The following GNG4 variants were observed in gnomAD, a reference collection of about 807,000 sequenced individuals.
The protein encoded by GNG4 is G protein subunit gamma 4.
A neutral mutation model predicts 5.8 loss-of-function variants in GNG4; 4 were observed. That is an observed-to-expected ratio of 0.69 (90% confidence interval 0.34 to 1.57). GNG4 has a LOEUF of 1.57. Among genes scored for constraint, GNG4 ranks in the 40% most tolerant of loss-of-function variants. The pLI, the probability that GNG4 is intolerant of heterozygous loss-of-function variation, is 0.06. For synonymous variants in GNG4, 29 were observed against 32.9 expected (o/e 0.88, Z 0.41); for missense variants, 96 against 95.1 (o/e 1.01, Z -0.04).
At chr1:235,634,714 G>A (rs564506485) in intron 1 of GNG4, among the ~76,000 whole-genome samples, 1 of 152,270 alleles carries the variant, frequency 6.6e-6, no homozygotes, top group South Asian at 2.1e-4. Context: ...AGGCTGAGGC[G>A]GGTGGATCAC....
rs559547055 is a variant in GNG4 at position 235,649,710 on chromosome 1, G to C, written c.-171C>G. 1.3e-5 allele frequency: 2 copies of C among 151,924 alleles called. No homozygotes were observed. Among genetic ancestry groups the C allele is most frequent in the African/African-American group, 4.8e-5 (2 of 41,524 alleles). 9.4% of individuals were successfully genotyped at this position (151,924 alleles called of 1,614,324 possible). ...TTCGTCTGCAGCGCGGTGCTCGCGG[G>C]GGGCGGCCAGGCCGAGCGGCATCGC... On this transcript the variant is annotated 5_prime_UTR_variant, in exon 1 of 4. Transcript: ENST00000391854. The surrounding 1 kb of genome is among the most constrained non-coding windows in gnomAD (Gnocchi z 5.7).
Position 235,642,741 on chromosome 1 carries a change from G to A in GNG4, c.-123+6921C>T, listed in dbSNP as rs926615953. Among the ~76,000 whole-genome samples the A allele has an allele frequency of 6.6e-6, 1 of 152,046 alleles. No individual in the cohort carries two copies. The highest frequency in any genetic ancestry group is 2.4e-5 in the African/African-American group (1 of 41,384). On this transcript the variant is annotated intron_variant, in intron 1 of 3. Transcript: ENST00000391854. This position sits in a 1 kb window ranked among gnomAD's most constrained non-coding sequence, Gnocchi z 4.3. ...CTAAACTTGCCGTGTGTTCTTGGAG[G>A]CGCGGGCCTCCCTGCTGTCATCACA...
chr1:235,570,756 C>T (rs550661988), intron 3 of GNG4, among the ~76,000 whole-genome samples: 4 of 151,810 alleles, frequency 2.6e-5, no homozygotes, highest in Admixed American at 6.6e-5. Context: ...AGTGCAGCGC[C>T]GCAATCTCGG....
At chr1:235,561,383 T>C (rs1375342720) in intron 3 of GNG4, among the ~76,000 whole-genome samples, 3 of 152,082 alleles carry the variant, frequency 2.0e-5, no homozygotes, top group Non-Finnish European at 4.4e-5. Flanking sequence ...TCTTGCTCTC[T>C]TGCACGCGCT....
At chr1:235,600,430 G>A (rs1336815405) in intron 1 of GNG4, among the ~76,000 whole-genome samples, 4 of 102,602 alleles carry the variant, frequency 3.9e-5, no homozygotes, top group Non-Finnish European at 8.5e-5. Flanking sequence ...GTGTGTGTGT[G>A]TGTGTGTGTA....
chr1:235,624,642 GT>G lies in GNG4; in HGVS notation c.-123+25019del, dbSNP rs554540144. Among the ~76,000 whole-genome samples, 289 of 152,184 alleles carry G rather than the reference GT, an allele frequency of 1.9e-3. 3 individuals are homozygous for G. The highest frequency in any genetic ancestry group is 6.8e-3 in the African/African-American group (282 of 41,514). ...TTTACATTCCTGAAGAATTAACTTT[GT>G]TAAAAAACAGGATGTCTTTGTTCCA... On this transcript the variant is annotated intron_variant, in intron 1 of 3. Transcript: ENST00000391854.
At chr1:235,589,795 G>A (rs767699623) in intron 2 of GNG4, among the ~76,000 whole-genome samples, 1 of 152,212 alleles carries the variant, frequency 6.6e-6, no homozygotes, top group Non-Finnish European at 1.5e-5. Flanking sequence ...CCAAGGACAC[G>A]GTCACTAGTC....
At chr1:235,585,213 T>C (rs1006220838) in intron 2 of GNG4, among the ~76,000 whole-genome samples, 33 of 151,586 alleles carry the variant, frequency 2.2e-4, no homozygotes, top group Admixed American at 2.2e-3. Flanking sequence ...TTCCTTTTCC[T>C]TTCCTTTCCT....
chr1:235,568,175 ATG>A (rs1687247220), intron 3 of GNG4, among the ~76,000 whole-genome samples: 1 of 146,392 alleles, frequency 6.8e-6, no homozygotes, highest in Non-Finnish European at 1.5e-5. Flanking sequence ...TTTTAAACCT[ATG>A]ACTGCCTTGG....
chr1:235,640,763 C>G (rs965248537), intron 1 of GNG4, among the ~76,000 whole-genome samples: 1 of 152,234 alleles, frequency 6.6e-6, no homozygotes, highest in Non-Finnish European at 1.5e-5. Context: ...CCCTGCAGGG[C>G]TCCAGGAAGA....
At chr1:235,625,450 C>T (rs1688790512) in intron 1 of GNG4, among the ~76,000 whole-genome samples, 1 of 152,132 alleles carries the variant, frequency 6.6e-6, no homozygotes, top group Admixed American at 6.6e-5. Flanking sequence ...ACCTAAAGTC[C>T]ATAGTTTACA....
intron 1 of GNG4, among the ~76,000 whole-genome samples, chr1:235,636,035 A>C (rs1689029092): frequency 6.6e-6 from 1 of 152,202 alleles, no homozygotes. Flanking sequence ...CTGCACTGCC[A>C]GGGGACACCC....
At chr1:235,594,556 C>T (rs1030475408) in intron 2 of GNG4, among the ~76,000 whole-genome samples, 3 of 152,196 alleles carry the variant, frequency 2.0e-5, no homozygotes, top group South Asian at 2.1e-4. Flanking sequence ...TGGTGGGCTG[C>T]AGGTCCCGAG....
chr1:235,581,071 A>C (rs1038615085), intron 3 of GNG4, among the ~76,000 whole-genome samples: 1 of 152,090 alleles, frequency 6.6e-6, no homozygotes. Flanking sequence ...CTTTGATTGA[A>C]TATCACCTGA....
chr1:235,603,289 T>TAATAAA (rs1486547794), intron 1 of GNG4, among the ~76,000 whole-genome samples: 1 of 141,878 alleles, frequency 7.0e-6, no homozygotes, highest in African/African-American at 2.6e-5. Flanking sequence ...ATAATAATAA[T>TAATAAA]AAAAGGCAGG....
Position 235,645,797 on chromosome 1 carries a change from CA to C in GNG4, c.-123+3864del, listed in dbSNP as rs6143682. ...GGGAGACAAGAGGGAAACTCAGTCT[CA>C]AAAAAAAAAAAAAAAAAAAAAAAAG... On this transcript the variant is annotated intron_variant, in intron 1 of 3. Transcript: ENST00000391854. 7.5e-3 allele frequency among the ~76,000 whole-genome samples: 676 copies of C among 90,306 alleles called. 1 individual carries two copies. The highest frequency in any genetic ancestry group is 0.02 in the African/African-American group (493 of 24,492). The allele number at this position is 90,306 out of a possible 152,430, so 59.2% of individuals were successfully genotyped here.
intron 3 of GNG4, among the ~76,000 whole-genome samples, chr1:235,564,946 A>G (rs190233526): frequency 3.9e-4 from 59 of 152,260 alleles, no homozygotes; most frequent in Middle Eastern, 3.4e-3. Context: ...GCCTCCCAAA[A>G]TGCTGGGATT....
intron 2 of GNG4, among the ~76,000 whole-genome samples, chr1:235,587,238 AGGTGGGGTGTGTGT>A (rs1687785578): frequency 1.7e-5 from 2 of 115,762 alleles, no homozygotes; most frequent in African/African-American, 3.8e-5. Flanking sequence ...TGAGTGTGTG[AGGTGGGGTGTGTGT>A]GATGACAGTG....
chr1:235,610,584 A>G (rs1396530311), intron 1 of GNG4, among the ~76,000 whole-genome samples: 1 of 152,136 alleles, frequency 6.6e-6, no homozygotes, highest in Non-Finnish European at 1.5e-5. Flanking sequence ...TTGATGTATA[A>G]ATTGTCCTGG....
Sources: gnomAD v4.1 joint callset for allele counts (sites outside exome capture counted in the v4.1 genomes callset) on GRCh38, gnomAD v4.1.1 for gene constraint, Gnocchi (gnomAD v3.1) non-coding constraint, MANE v1.5 for transcripts, NCBI Gene and HGNC (gene_info 2026-07-23, HGNC 2026-07-21) for gene names.